The following TMEM229B variants were observed in gnomAD, a reference collection of about 807,000 sequenced individuals.
TMEM229B encodes transmembrane protein 229B.
A neutral mutation model predicts 13.7 loss-of-function variants in TMEM229B; 6 were observed. The ratio of observed to expected loss-of-function variants is 0.44; its 90% confidence interval spans 0.24 to 0.86. The LOEUF is 0.86. TMEM229B is among the 40% of genes least tolerant of loss of function. The pLI is 0.23. For missense variants in TMEM229B, 170 were observed against 236.0 expected, an observed-to-expected ratio of 0.72 and a Z score of 1.83; for synonymous variants, 107 against 102.1, an observed-to-expected ratio of 1.05 and a Z score of -0.29.
At chr14:67,529,288 T>C (rs1159750328) in intron 1 of TMEM229B, among the ~76,000 whole-genome samples, 1 of 152,138 alleles carries the variant, frequency 6.6e-6, no homozygotes, top group Admixed American at 6.5e-5. Context: ...TTGCAGTGAA[T>C]GTATGTGGTA....
chr14:67,517,305 C>T (rs750388425), upstream of TMEM229B, among the ~76,000 whole-genome samples: 17 of 152,316 alleles, frequency 1.1e-4, no homozygotes, highest in Non-Finnish European at 1.8e-4. Context: ...TGGGAGGCAG[C>T]ATTGCGCAGA....
chr14:67,530,929 T>C (rs1166304457), intron 1 of TMEM229B, among the ~76,000 whole-genome samples: 1 of 152,226 alleles, frequency 6.6e-6, no homozygotes, highest in Non-Finnish European at 1.5e-5. Context: ...TCACGTCCCA[T>C]GGCAGCTAAT....
chr14:67,488,860 G>C (rs180898482), upstream of TMEM229B: 1 of 152,228 alleles, frequency 6.6e-6, no homozygotes, highest in Non-Finnish European at 1.5e-5. Context: ...TCCTTTTGAG[G>C]GCAGTGTCCC....
chr14:67,513,958 C>T (rs2140251335), intron 1 of TMEM229B, among the ~76,000 whole-genome samples: 1 of 152,162 alleles, frequency 6.6e-6, no homozygotes, highest in East Asian at 1.9e-4. Context: ...GTACCACCCC[C>T]AAGGCAGGTT....
chr14:67,489,968 C>A (rs12882374), upstream of TMEM229B, among the ~76,000 whole-genome samples: 2,291 of 148,798 alleles, frequency 0.015, 20 homozygotes, highest in Middle Eastern at 0.031. Flanking sequence ...CCAGCCTGGG[C>A]GACAGAGCGA....
At chr14:67,494,285 TAA>T (rs1366272287) in intron 1 of TMEM229B, among the ~76,000 whole-genome samples, 3 of 152,194 alleles carry the variant, frequency 2.0e-5, no homozygotes, top group African/African-American at 7.2e-5. Context: ...TGACAAAGGA[TAA>T]GAGGACCCAT....
At chr14:67,520,035 T>C (rs1005880075), upstream of TMEM229B, among the ~76,000 whole-genome samples, 1 of 152,194 alleles carries the variant, frequency 6.6e-6, no homozygotes, top group African/African-American at 2.4e-5. Flanking sequence ...GACTTTATTT[T>C]TTACAGTGGT....
intron 2 of TMEM229B, among the ~76,000 whole-genome samples, chr14:67,476,265 C>A (rs537558132): frequency 6.6e-6 from 1 of 152,202 alleles, no homozygotes; most frequent in Non-Finnish European, 1.5e-5. Flanking sequence ...CCAAGCACTT[C>A]GTTCGCATTT....
chr14:67,487,596 T>C (rs1406915730), intron 1 of TMEM229B, among the ~76,000 whole-genome samples: 2 of 152,286 alleles, frequency 1.3e-5, no homozygotes, highest in East Asian at 3.9e-4. Flanking sequence ...TTTCAGCACT[T>C]TGAAAGCAGA....
intron 1 of TMEM229B, among the ~76,000 whole-genome samples, chr14:67,510,121 C>T (rs1479132221): frequency 6.6e-6 from 1 of 152,274 alleles, no homozygotes; most frequent in Non-Finnish European, 1.5e-5. Context: ...CTTGCAGAGC[C>T]TCAGTGTTTC....
At chr14:67,530,224 A>G (rs570983662) in intron 1 of TMEM229B, among the ~76,000 whole-genome samples, 7 of 152,374 alleles carry the variant, frequency 4.6e-5, no homozygotes, top group African/African-American at 1.7e-4. Context: ...CACTTGCTGC[A>G]TGCCAGACAA....
intron 1 of TMEM229B, among the ~76,000 whole-genome samples, chr14:67,499,134 C>G (rs11158672): frequency 0.58 from 88,766 of 151,848 alleles, 27,602 homozygotes; most frequent in Non-Finnish European, 0.69. Flanking sequence ...TCCTAAGTAG[C>G]TAGGACTACA....
upstream of TMEM229B, among the ~76,000 whole-genome samples, chr14:67,519,302 G>T (rs112535759): frequency 6.6e-6 from 1 of 152,166 alleles, no homozygotes; most frequent in Non-Finnish European, 1.5e-5. Flanking sequence ...CAGATGGCTC[G>T]CATATTTAAA....
At chr14:67,533,278 G>T (rs1344276320) in intron 1 of TMEM229B, 1 of 151,960 alleles carries the variant, frequency 6.6e-6, no homozygotes, top group African/African-American at 2.4e-5. Context: ...TGCTGCCGGG[G>T]AGGGGAGAAC....
chr14:67,500,004 G>T (rs1386213681), intron 1 of TMEM229B, among the ~76,000 whole-genome samples: 1 of 152,048 alleles, frequency 6.6e-6, no homozygotes. Flanking sequence ...ATTGATACTT[G>T]TAACTCCCAG....
rs1451932600 is a variant in TMEM229B at position 67,471,188 on chromosome 14, G to A, written c.*2232C>T. ...TGCACTTGGGAAAGTATAGGACCCA[G>A]AGAGGAAATGGTGCCAGGGAATGCC... On this transcript the variant is annotated 3_prime_UTR_variant, in exon 3 of 3. Coordinates refer to ENST00000554480, the MANE Select transcript of TMEM229B (RefSeq NM_001348543.2). 2 of 152,294 alleles carry A rather than the reference G, an allele frequency of 1.3e-5. No individual in the cohort carries two copies. The highest frequency in any genetic ancestry group is 2.9e-5 in the Non-Finnish European group (2 of 68,082). The allele number at this position is 152,294 out of a possible 1,614,324, so 9.4% of individuals were successfully genotyped here. A position where few individuals can be genotyped will look rare whatever the true frequency, so the allele number is the denominator to read the frequency against.
rs1945952700 is a variant in TMEM229B, at chr14:67,480,208, T to C, written c.-18-6267A>G. Among the ~76,000 whole-genome samples, 5 of 152,172 alleles carry C rather than the reference T, an allele frequency of 3.3e-5. No individual in the cohort carries two copies. In the South Asian group the frequency reaches 1.0e-3, roughly 32 times the overall value. ...TGCTTTTACACCGCCTCTTACCCGA[T>C]GCAGGGTCACTGTGCCCCTGCTCTC... On this transcript the variant is annotated intron_variant, in intron 2 of 2. Coordinates refer to ENST00000554480, the MANE Select transcript of TMEM229B (RefSeq NM_001348543.2).
chr14:67,531,142 G>T (rs988754961), intron 1 of TMEM229B, among the ~76,000 whole-genome samples: 2 of 152,158 alleles, frequency 1.3e-5, no homozygotes, highest in Admixed American at 6.5e-5. Flanking sequence ...GGGCTCTAGG[G>T]GTGATGGTGG....
chr14:67,505,904 T>C (rs1179792786), intron 1 of TMEM229B, among the ~76,000 whole-genome samples: 2 of 152,154 alleles, frequency 1.3e-5, no homozygotes, highest in Non-Finnish European at 2.9e-5. Flanking sequence ...TTCCACCATG[T>C]TGGCCAGGCT....
Sources: allele counts gnomAD v4.1 joint callset (sites outside exome capture counted in the v4.1 genomes callset), GRCh38; gene constraint gnomAD v4.1.1; transcripts MANE v1.5; gene names NCBI Gene and HGNC (gene_info 2026-07-23, HGNC 2026-07-21).